FAR2: variants seen among roughly 807,000 people sequenced by gnomAD.
FAR2 encodes epididymis secretory protein Li 81.
Under a neutral mutation model 56.0 loss-of-function variants are expected in FAR2, and 19 were observed. The ratio of observed to expected loss-of-function variants is 0.34; its 90% CI spans 0.24 to 0.50. The LOEUF (loss-of-function observed/expected upper bound fraction) is 0.50, where lower values mean the gene tolerates loss of function less well. Ranked by LOEUF, FAR2 falls within the 20% of genes least tolerant of loss-of-function variation. The pLI, the probability that FAR2 is intolerant of heterozygous loss-of-function variation, is 0.98. For synonymous variants in FAR2, 219 were observed against 218.8 expected (o/e 1.00, Z -0.01); for missense variants, 508 against 642.2 (o/e 0.79, Z 2.26).
chr12:29,197,012 G>T (rs1010230495), intron 1 of FAR2, among the ~76,000 whole-genome samples: 11 of 152,256 alleles, frequency 7.2e-5, no homozygotes, highest in African/African-American at 2.6e-4. Flanking sequence ...GCAGTCTAGT[G>T]CTTCTTAATC....
At chr12:29,228,017 G>T (rs1487566594) in intron 1 of FAR2, among the ~76,000 whole-genome samples, 2 of 151,708 alleles carry the variant, frequency 1.3e-5, no homozygotes, top group Non-Finnish European at 2.9e-5. Context: ...AGCATTAGGA[G>T]ATATACCTAA....
intron 1 of FAR2, among the ~76,000 whole-genome samples, chr12:29,168,720 G>A (rs909692115): frequency 9.2e-5 from 14 of 152,174 alleles, no homozygotes; most frequent in African/African-American, 2.9e-4. Context: ...GGACGTTCGT[G>A]ATGAGTGTCA....
intron 5 of FAR2, chr12:29,308,061 A>G (rs998951513): frequency 2.5e-6 from 1 of 404,624 alleles, no homozygotes; most frequent in Non-Finnish European, 4.4e-6. Flanking sequence ...TTGGACGGAG[A>G]GCTTAAATTA....
chr12:29,232,027 A>G (rs907326956), intron 1 of FAR2, among the ~76,000 whole-genome samples: 2 of 152,204 alleles, frequency 1.3e-5, no homozygotes, highest in Admixed American at 6.5e-5. Flanking sequence ...GAAAAAGAAC[A>G]TATCTCAAAG....
chr12:29,306,025 C>T (rs991069101), intron 4 of FAR2, among the ~76,000 whole-genome samples: 3 of 151,122 alleles, frequency 2.0e-5, no homozygotes, highest in South Asian at 2.1e-4. Flanking sequence ...AAGCTTTATT[C>T]CCTCAAGACC....
At chr12:29,301,614 G>T (rs945109549) in intron 4 of FAR2, 5 of 152,152 alleles carry the variant, frequency 3.3e-5, no homozygotes, top group Non-Finnish European at 4.4e-5. Context: ...ATAACTGGAA[G>T]CAGGTACTAG....
At chr12:29,158,061 T>G (rs1438761792) in intron 1 of FAR2, among the ~76,000 whole-genome samples, 1 of 152,238 alleles carries the variant, frequency 6.6e-6, no homozygotes. Context: ...ATTCAGTTAG[T>G]GAAATCATAG....
intron 1 of FAR2, among the ~76,000 whole-genome samples, chr12:29,255,623 T>C (rs1948305333): frequency 6.6e-6 from 1 of 152,136 alleles, no homozygotes; most frequent in Non-Finnish European, 1.5e-5. Flanking sequence ...TTTTTTCTTT[T>C]TTTTTCTTTT....
At chr12:29,233,803 T>C (rs1195579070) in intron 1 of FAR2, among the ~76,000 whole-genome samples, 3 of 152,188 alleles carry the variant, frequency 2.0e-5, no homozygotes, top group African/African-American at 4.8e-5. Flanking sequence ...CCTTCTTCCC[T>C]CCAGAGCTAG....
intron 5 of FAR2, chr12:29,308,054 G>A: frequency 4.5e-6 from 2 of 444,810 alleles, no homozygotes; most frequent in South Asian, 7.1e-5. Flanking sequence ...CCTAGAGTTG[G>A]ACGGAGAGCT....
At chr12:29,163,536 G>A (rs755346788) in intron 1 of FAR2, among the ~76,000 whole-genome samples, 5 of 152,224 alleles carry the variant, frequency 3.3e-5, no homozygotes, top group African/African-American at 4.8e-5. Flanking sequence ...TAAACGACTA[G>A]ATTATCTTTA....
intron 1 of FAR2, among the ~76,000 whole-genome samples, chr12:29,175,322 G>A (rs1478742147): frequency 1.3e-5 from 2 of 152,074 alleles, no homozygotes; most frequent in Non-Finnish European, 2.9e-5. Flanking sequence ...AAAGGTGGTG[G>A]GTCTGGAGTC....
intron 10 of FAR2, among the ~76,000 whole-genome samples, chr12:29,326,432 TG>T (rs1949648106): frequency 6.6e-6 from 1 of 151,592 alleles, no homozygotes; most frequent in African/African-American, 2.4e-5. Flanking sequence ...TACCAAAGCC[TG>T]GCAGAGACAC....
At chr12:29,323,597 G>A (rs550746573) in intron 10 of FAR2, among the ~76,000 whole-genome samples, 2 of 152,276 alleles carry the variant, frequency 1.3e-5, no homozygotes, top group South Asian at 2.1e-4. Flanking sequence ...ACCAATATCC[G>A]CTGTTCTGCA....
chr12:29,311,076 G>A lies in FAR2; in HGVS notation c.817G>A (p.Ala273Thr). Residue 273 changes from alanine (A) to threonine (T), a missense_variant, in exon 7 of 12, where the codon GCA (alanine) becomes ACA (threonine). Ala to Thr is a moderately conservative substitution (Grantham distance 58). Coordinates refer to ENST00000536681, the MANE Select transcript of FAR2 (RefSeq NM_001271783.2). ...CATAAAAGCTACTCCAATGGCTGTG[G>A]CAGACGTAATTCCAGTTGATACAGT... ...RAIKATPMAV[A>T]DVIPVDTVVN... 1 of 1,613,656 alleles carries A rather than the reference G, an allele frequency of 6.2e-7. No individual in the cohort carries two copies. Among genetic ancestry groups the A allele is most frequent in the Non-Finnish European group, 8.5e-7 (1 of 1,179,656 alleles).
chr12:29,184,498 G>C lies in FAR2; in HGVS notation c.-39+35091G>C, dbSNP rs143198411. ...CGCCCAGGCTGGAGTGCAGTGGCGC[G>C]ATCTCAGCTCACTGCAACCTCCGCT... On this transcript the variant is annotated intron_variant, in intron 1 of 11. Coordinates refer to ENST00000536681, the MANE Select transcript of FAR2 (RefSeq NM_001271783.2). Among the ~76,000 whole-genome samples the C allele has an allele frequency of 7.4e-3, 986 of 132,744 alleles. 9 individuals are homozygous for C. Among genetic ancestry groups the C allele is most frequent in the African/African-American group, 0.027 (944 of 34,610 alleles). 87.1% of individuals were successfully genotyped at this position (132,744 alleles called of 152,430 possible). A position where few individuals can be genotyped will look rare whatever the true frequency, so the allele number is the denominator to read the frequency against.
chr12:29,210,291 A>C (rs11050128), intron 1 of FAR2, among the ~76,000 whole-genome samples: 7,729 of 152,182 alleles, frequency 0.051, 267 homozygotes, highest in Non-Finnish European at 0.079. Context: ...CAAGCTAGAC[A>C]GTTTATCAGT....
At position 29,297,039 on chromosome 12, in the gene FAR2, C is replaced by T. The variant is rs1565510933; in HGVS notation, c.384C>T (p.Asn128=). 10 of 1,607,690 alleles carry T rather than the reference C, an allele frequency of 6.2e-6. No homozygotes were observed. Among genetic ancestry groups the T allele is most frequent in the Non-Finnish European group, 7.6e-6 (9 of 1,177,702 alleles). Residue 128 remains asparagine, a synonymous_variant, in exon 4 of 12, where the codon AAC becomes AAT. Transcript: ENST00000536681. ...TCTCTAGACATGCTGTGCAACTTAA[C>T]GTCACTGCCACCCGGCAGCTCTTGC... The part of the protein sequence containing the change: ...DDTLRHAVQL[N]VTATRQLLLM...
chr12:29,322,041 T>C, intron 10 of FAR2, 117 bp downstream of exon 10: 1 of 1,224,280 alleles, frequency 8.2e-7, no homozygotes, highest in Non-Finnish European at 1.1e-6. Flanking sequence ...CAGATTTTGT[T>C]TTGCTTTGTT....
Sources: gnomAD v4.1 joint callset for allele counts (sites outside exome capture counted in the v4.1 genomes callset) on GRCh38, gnomAD v4.1.1 for gene constraint, MANE v1.5 for transcripts, NCBI Gene and HGNC (gene_info 2026-07-23, HGNC 2026-07-21) for gene names.